BMPR1B: variants seen among roughly 807,000 people sequenced by gnomAD.
The protein encoded by BMPR1B is bone morphogenetic protein receptor type-1B.
In BMPR1B, 12 loss-of-function variants were observed where a neutral mutation model predicts 59.1. The ratio of observed to expected loss-of-function variants is 0.20; its 90% confidence interval spans 0.13 to 0.33. The LOEUF (loss-of-function observed/expected upper bound fraction) is 0.33. Among genes scored for constraint, BMPR1B ranks in the 10% least tolerant of loss-of-function variants. The pLI, the probability that BMPR1B is intolerant of heterozygous loss-of-function variation, is 1.00. For missense variants in BMPR1B, 550 were observed against 610.9 expected (o/e 0.90, Z 1.05); for synonymous variants, 237 against 207.3 (o/e 1.14, Z -1.23).
At chr4:94,917,043 A>T (rs1051653566) in intron 2 of BMPR1B, among the ~76,000 whole-genome samples, 1 of 152,360 alleles carries the variant, frequency 6.6e-6, no homozygotes, top group East Asian at 1.9e-4. Context: ...GCCTGCTTCC[A>T]TGTGGTGTTA....
At chr4:94,859,657 G>C (rs1725901602) in intron 1 of BMPR1B, among the ~76,000 whole-genome samples, 1 of 152,008 alleles carries the variant, frequency 6.6e-6, no homozygotes, top group South Asian at 2.1e-4. Context: ...TTTGTGGCCA[G>C]ATCTTAAACC....
intron 3 of BMPR1B, chr4:95,051,900 C>T (rs1390294091): frequency 2.5e-6 from 2 of 789,152 alleles, no homozygotes; most frequent in African/African-American, 3.5e-5. Flanking sequence ...ATCCCCCATT[C>T]TCCAACTGCC....
chr4:94,964,454 T>C (rs948548397), intron 2 of BMPR1B, among the ~76,000 whole-genome samples: 1 of 152,194 alleles, frequency 6.6e-6, no homozygotes, highest in East Asian at 1.9e-4. Flanking sequence ...ATACTAGCTA[T>C]AGGTTTGGCA....
intron 3 of BMPR1B, among the ~76,000 whole-genome samples, chr4:95,045,225 T>A (rs1288142808): frequency 6.6e-6 from 1 of 152,230 alleles, no homozygotes; most frequent in Non-Finnish European, 1.5e-5. Context: ...AATATATTAT[T>A]ATGTTTTCTT....
intron 3 of BMPR1B, among the ~76,000 whole-genome samples, chr4:95,067,882 A>T (rs901478540): frequency 3.0e-4 from 46 of 152,196 alleles, no homozygotes; most frequent in Non-Finnish European, 1.3e-4. Flanking sequence ...TTGGGAACGG[A>T]TAGGTGTGCA....
At chr4:95,040,610 G>C (rs1725579821) in intron 3 of BMPR1B, among the ~76,000 whole-genome samples, 1 of 152,154 alleles carries the variant, frequency 6.6e-6, no homozygotes, top group African/African-American at 2.4e-5. Flanking sequence ...TTCAAATAGA[G>C]CTTCTGGCAA....
In BMPR1B at chr4:94,895,681, A is replaced by T. The variant is rs561805844; in HGVS notation, c.-113+19781A>T. 5.4e-3 allele frequency among the ~76,000 whole-genome samples: 811 copies of T among 150,350 alleles called. 9 individuals carry two copies. Among genetic ancestry groups the T allele is most frequent in the African/African-American group, 0.018 (736 of 40,802 alleles). ...AGGTGTGTGACATCTTTTTTTTTTTAAAAATAGGCTCTATATAGCATATAA... is the reference window on the plus strand; with the variant it reads ...AGGTGTGTGACATCTTTTTTTTTTTTAAAATAGGCTCTATATAGCATATAA... On this transcript the variant is annotated intron_variant, in intron 2 of 12. Coordinates refer to ENST00000515059, the MANE Select transcript of BMPR1B (RefSeq NM_001203.3).
At chr4:94,923,916 G>A (rs1252393496) in intron 2 of BMPR1B, among the ~76,000 whole-genome samples, 1 of 152,116 alleles carries the variant, frequency 6.6e-6, no homozygotes, top group Non-Finnish European at 1.5e-5. Flanking sequence ...AATCTATAGT[G>A]TGACACTAAA....
chr4:95,057,002 A>T (rs1039050299), intron 3 of BMPR1B, among the ~76,000 whole-genome samples: 6 of 152,170 alleles, frequency 3.9e-5, no homozygotes, highest in Non-Finnish European at 8.8e-5. Flanking sequence ...TTTTTCCTTT[A>T]TGGTACATAT....
intron 1 of BMPR1B, among the ~76,000 whole-genome samples, chr4:94,824,464 T>TTCA (rs1342754606): frequency 6.6e-6 from 1 of 152,222 alleles, no homozygotes; most frequent in Non-Finnish European, 1.5e-5. Flanking sequence ...CTTGAACCAC[T>TTCA]TCATGGTTTA....
intron 3 of BMPR1B, among the ~76,000 whole-genome samples, chr4:95,039,537 C>T (rs970200443): frequency 2.6e-5 from 4 of 150,992 alleles, no homozygotes; most frequent in African/African-American, 7.3e-5. Context: ...AATGAGATTA[C>T]GAAGAGCTGC....
rs562486269 is a variant in BMPR1B at position 95,158,250 on chromosome 4, A to G, written c.*3577A>G. The G allele has an allele frequency of 2.2e-4, 33 of 152,324 alleles. No homozygotes were observed. The highest frequency in any genetic ancestry group is 7.9e-4 in the African/African-American group (33 of 41,564). 9.4% of individuals were successfully genotyped at this position (152,324 alleles called of 1,614,324 possible). A position where few individuals can be genotyped will look rare whatever the true frequency, so the allele number is the denominator to read the frequency against. Reference sequence around the variant, plus strand: ...CATATTTTTTGGAGAAAAGTTGGCAATATAGGGGTTTCGTTGTCTGTTTCA... The same window carrying G: ...CATATTTTTTGGAGAAAAGTTGGCAGTATAGGGGTTTCGTTGTCTGTTTCA... On this transcript the variant is annotated 3_prime_UTR_variant, in exon 13 of 13. Transcript: ENST00000515059.
At chr4:94,960,719 AT>A (rs1435286397) in intron 2 of BMPR1B, among the ~76,000 whole-genome samples, 93 of 32,762 alleles carry the variant, frequency 2.8e-3, no homozygotes, top group African/African-American at 0.017. Context: ...TGTATGAAAA[AT>A]ATATATATAT....
intron 1 of BMPR1B, among the ~76,000 whole-genome samples, chr4:94,875,569 T>A (rs1004593816): frequency 4.6e-5 from 7 of 151,932 alleles, no homozygotes; most frequent in Non-Finnish European, 1.0e-4. Context: ...CTGCAGTCCC[T>A]GCTACTTGGG....
chr4:94,934,453 G>GTTTTTTTTTTTTTT (rs371268875), intron 2 of BMPR1B, among the ~76,000 whole-genome samples: 1 of 115,284 alleles, frequency 8.7e-6, no homozygotes, highest in African/African-American at 3.5e-5. Context: ...CCCAGCTATG[G>GTTTTTTTTTTTTTT]TTTTTTTTTT....
intron 3 of BMPR1B, among the ~76,000 whole-genome samples, chr4:95,017,701 A>G (rs1723678025): frequency 6.6e-6 from 1 of 152,008 alleles, no homozygotes; most frequent in Non-Finnish European, 1.5e-5. Flanking sequence ...TCTCTCAGCA[A>G]CTCTGAGATT....
intron 2 of BMPR1B, among the ~76,000 whole-genome samples, chr4:94,888,241 G>A (rs545982362): frequency 3.7e-4 from 57 of 152,160 alleles, no homozygotes; most frequent in African/African-American, 1.3e-3. Flanking sequence ...ATCTATTAGA[G>A]CATGAGCTGT....
At chr4:95,138,565 T>C (rs1403733032) in intron 10 of BMPR1B, among the ~76,000 whole-genome samples, 1 of 152,238 alleles carries the variant, frequency 6.6e-6, no homozygotes, top group Non-Finnish European at 1.5e-5. Flanking sequence ...AGATTTGGTC[T>C]TCTCACATAG....
intron 3 of BMPR1B, among the ~76,000 whole-genome samples, chr4:95,068,146 A>G (rs1458701084): frequency 2.0e-5 from 3 of 152,176 alleles, no homozygotes; most frequent in Admixed American, 6.5e-5. Context: ...TTGTGTAGAC[A>G]CAGGCTAGGA....
Sources: gnomAD v4.1 joint callset for allele counts (sites outside exome capture counted in the v4.1 genomes callset) on GRCh38, gnomAD v4.1.1 for gene constraint, MANE v1.5 for transcripts, NCBI Gene and HGNC (gene_info 2026-07-23, HGNC 2026-07-21) for gene names.